The following NEDD9 variants were observed in gnomAD, a reference collection of about 807,000 sequenced individuals.
The protein encoded by NEDD9 is enhancer of filamentation 1.
Under a neutral mutation model 76.6 loss-of-function variants are expected in NEDD9, and 26 were observed. That is an observed-to-expected ratio of 0.34 (90% CI 0.25 to 0.47). The LOEUF is 0.47. Ranked by LOEUF, NEDD9 falls within the 20% of genes least tolerant of loss-of-function variation. NEDD9 has a pLI of 1.00. For missense variants in NEDD9, 937 were observed against 1,058.5 expected (o/e 0.89, Z 1.59); for synonymous variants, 392 against 414.2 (o/e 0.95, Z 0.65).
intron 1 of NEDD9, among the ~76,000 whole-genome samples, chr6:11,358,460 T>C (rs1212033588): frequency 6.6e-6 from 1 of 152,168 alleles, no homozygotes; most frequent in Non-Finnish European, 1.5e-5. Flanking sequence ...ATGGCATTCA[T>C]GTTTCAGAAA....
At chr6:11,266,196 C>T (rs1349625660) in intron 3 of NEDD9, among the ~76,000 whole-genome samples, 1 of 152,144 alleles carries the variant, frequency 6.6e-6, no homozygotes, top group East Asian at 1.9e-4. Flanking sequence ...AATTAATAAA[C>T]AAATAATGCC....
chr6:11,324,630 C>CGTGTGTTT (rs1761882629), intron 2 of NEDD9, among the ~76,000 whole-genome samples: 1 of 152,192 alleles, frequency 6.6e-6, no homozygotes, highest in Admixed American at 6.5e-5. Flanking sequence ...TGAGCAGAAA[C>CGTGTGTTT]ACAGGAGATA....
intron 1 of NEDD9, among the ~76,000 whole-genome samples, chr6:11,375,676 C>T (rs996068782): frequency 6.6e-6 from 1 of 152,138 alleles, no homozygotes; most frequent in Non-Finnish European, 1.5e-5. Flanking sequence ...CCTCTCCCTT[C>T]TGTCCTTTTC....
intron 3 of NEDD9, among the ~76,000 whole-genome samples, chr6:11,278,206 G>T (rs1185097678): frequency 6.6e-6 from 1 of 152,066 alleles, no homozygotes; most frequent in East Asian, 1.9e-4. Flanking sequence ...CTTGAATTGC[G>T]CTCTTTTCCC....
chr6:11,327,787 A>AGAG (rs1761960099), intron 2 of NEDD9, among the ~76,000 whole-genome samples: 1 of 152,254 alleles, frequency 6.6e-6, no homozygotes, highest in Non-Finnish European at 1.5e-5. Flanking sequence ...AAGTTTCTGC[A>AGAG]GAGGGAAAAG....
At chr6:11,288,896 G>A (rs1037216915) in intron 3 of NEDD9, among the ~76,000 whole-genome samples, 1 of 152,170 alleles carries the variant, frequency 6.6e-6, no homozygotes, top group African/African-American at 2.4e-5. Flanking sequence ...TGTTTTCTTG[G>A]TTTACTTCCA....
intron 2 of NEDD9, among the ~76,000 whole-genome samples, chr6:11,330,540 T>C (rs73721567): frequency 6.6e-6 from 1 of 152,154 alleles, no homozygotes; most frequent in African/African-American, 2.4e-5. Context: ...TCTTTCCTCA[T>C]ATACACTCTG....
intron 2 of NEDD9, among the ~76,000 whole-genome samples, chr6:11,204,658 T>C (rs1291920037): frequency 7.3e-6 from 1 of 137,176 alleles, no homozygotes; most frequent in African/African-American, 2.8e-5. Flanking sequence ...AGGCGGAGGT[T>C]GTGGTGAGCC....
chr6:11,233,052 A>G (rs1195367524), upstream of NEDD9, among the ~76,000 whole-genome samples: 1 of 152,074 alleles, frequency 6.6e-6, no homozygotes, highest in Non-Finnish European at 1.5e-5. Flanking sequence ...TTTCAAAGCC[A>G]TTCACCTCAC....
At chr6:11,196,078 G>T (rs921235945) in intron 2 of NEDD9, among the ~76,000 whole-genome samples, 3 of 152,186 alleles carry the variant, frequency 2.0e-5, no homozygotes, top group Non-Finnish European at 2.9e-5. Flanking sequence ...GGCAAGGATC[G>T]CGGATCACGA....
intron 1 of NEDD9, among the ~76,000 whole-genome samples, chr6:11,362,131 T>C (rs764169030): frequency 7.2e-5 from 11 of 152,188 alleles, no homozygotes; most frequent in Admixed American, 5.9e-4. Context: ...GGGTGAATCC[T>C]CCTGAATGGA....
Position 11,195,719 on chromosome 6 carries a change from G to T in NEDD9, c.460-2027C>A, listed in dbSNP as rs1015073907. ...TAAAAAACAGAAGCGGGCATGTCGGGCGCAGTGGCTCATGCCTGTAATCCC... is the reference window on the plus strand; with the variant it reads ...TAAAAAACAGAAGCGGGCATGTCGGTCGCAGTGGCTCATGCCTGTAATCCC... On this transcript the variant is annotated intron_variant, in intron 2 of 6. Transcript: ENST00000379446. 3.3e-5 allele frequency among the ~76,000 whole-genome samples: 5 copies of T among 152,362 alleles called. No homozygotes were observed. The East Asian group carries it at 9.6e-4, about 29-fold the overall frequency.
chr6:11,203,193 A>G (rs1758506474), intron 2 of NEDD9, among the ~76,000 whole-genome samples: 1 of 152,234 alleles, frequency 6.6e-6, no homozygotes, highest in South Asian at 2.1e-4. Flanking sequence ...TTCTCAGAAC[A>G]ATGCCAAATA....
chr6:11,237,931 A>G lies in NEDD9; in HGVS notation c.13-24204T>C, dbSNP rs1205791730. On this transcript the variant is annotated intron_variant, in intron 3 of 3. Transcript: ENST00000397378. The surrounding 1 kb of genome is among the most constrained non-coding windows in gnomAD (Gnocchi z 4.9). Reference sequence around the variant, plus strand: ...CCTAAAAAGGAACCATTCTAGGGCCATGTTTTATCATTTCTAGTTTGACAT... The same window carrying G: ...CCTAAAAAGGAACCATTCTAGGGCCGTGTTTTATCATTTCTAGTTTGACAT... Among the ~76,000 whole-genome samples, 1 of 152,230 alleles carries G rather than the reference A, an allele frequency of 6.6e-6. No individual in the cohort carries two copies.
intron 2 of NEDD9, among the ~76,000 whole-genome samples, chr6:11,312,580 T>C (rs1271554182): frequency 1.3e-5 from 2 of 152,110 alleles, no homozygotes; most frequent in Non-Finnish European, 2.9e-5. Context: ...CTGTGTCATG[T>C]GAGTTCCCAA....
chr6:11,196,249 A>G (rs1758289551), intron 2 of NEDD9, among the ~76,000 whole-genome samples: 1 of 152,002 alleles, frequency 6.6e-6, no homozygotes, highest in East Asian at 1.9e-4. Context: ...GCTTGCAGTG[A>G]GCCAAGATCG....
At position 11,213,668 on chromosome 6, in the gene NEDD9, A is replaced by G; in HGVS notation, c.72T>C (p.Phe24=). 2 of 1,614,186 alleles carry G rather than the reference A, an allele frequency of 1.2e-6. No homozygotes were observed. The highest frequency in any genetic ancestry group is 1.7e-6 in the Non-Finnish European group (2 of 1,180,016). ...TGACGGTCAGGATGTCTCCCTTGCG[A>G]AAGGCCAGTTCCTCGGCACACTCTG... ...NVPECAEELA[F]RKGDILTVIE... is the part of the protein sequence containing the mutation. The change falls in exon 2 of 7, where the codon TTT becomes TTC. Residue 24 remains phenylalanine (F), a synonymous_variant. Coordinates refer to ENST00000379446, the MANE Select transcript of NEDD9 (RefSeq NM_006403.4). This position sits in a 1 kb window ranked among gnomAD's most constrained non-coding sequence, Gnocchi z 5.4.
chr6:11,240,153 CCCT>C, intron 3 of NEDD9, among the ~76,000 whole-genome samples: 1 of 151,996 alleles, frequency 6.6e-6, no homozygotes, highest in Middle Eastern at 3.4e-3. Flanking sequence ...TCATTTGGTT[CCCT>C]CCTAACTCAT....
At chr6:11,371,340 T>G (rs758753782) in intron 1 of NEDD9, among the ~76,000 whole-genome samples, 148 of 152,308 alleles carry the variant, frequency 9.7e-4, no homozygotes, top group Middle Eastern at 3.4e-3. Flanking sequence ...TCTATGGGAT[T>G]GGGCAAATGC....
Sources: gnomAD v4.1 joint callset for allele counts (sites outside exome capture counted in the v4.1 genomes callset) on GRCh38, gnomAD v4.1.1 for gene constraint, Gnocchi (gnomAD v3.1) non-coding constraint, MANE v1.5 for transcripts, NCBI Gene and HGNC (gene_info 2026-07-23, HGNC 2026-07-21) for gene names.